Variants in IKZF2 observed in about 807,000 individuals in gnomAD.
IKZF2 encodes the protein IKAROS family zinc finger 2, also known as zinc finger protein Helios.
In IKZF2, 15 loss-of-function variants were observed where a neutral mutation model predicts 49.2. That is an observed-to-expected ratio of 0.30 (90% CI 0.20 to 0.47). The LOEUF (loss-of-function observed/expected upper bound fraction) is 0.47. Ranked by LOEUF, IKZF2 falls within the 20% of genes least tolerant of loss-of-function variation. IKZF2 has a pLI of 1.00. For synonymous variants in IKZF2, 227 were observed against 221.4 expected (o/e 1.03, Z -0.23); for missense variants, 567 against 664.6 (o/e 0.85, Z 1.61).
Position 213,122,571 on chromosome 2 carries a change from A to T in IKZF2, c.139+25137T>A, listed in dbSNP as rs185309370. On this transcript the variant is annotated intron_variant, in intron 4 of 8. Transcript: ENST00000434687. ...GTTTTAAGGATTATTCTTTCCTAAG[A>T]ATTTCATAATGTCTCTTGCCATGAT... 9.8e-5 allele frequency among the ~76,000 whole-genome samples: 15 copies of T among 152,362 alleles called. No homozygotes were observed. The East Asian group carries it at 2.7e-3, about 27-fold the overall frequency.
At chr2:213,018,271 A>T (rs1392730175) in intron 7 of IKZF2, among the ~76,000 whole-genome samples, 1 of 152,114 alleles carries the variant, frequency 6.6e-6, no homozygotes, top group Non-Finnish European at 1.5e-5. Flanking sequence ...CTAAAACCCA[A>T]TAAAATAAAT....
intron 6 of IKZF2, among the ~76,000 whole-genome samples, chr2:213,034,004 T>C (rs1374752552): frequency 6.6e-6 from 1 of 152,252 alleles, no homozygotes. Flanking sequence ...TGAATTACTG[T>C]AGCCTCTACA....
upstream of IKZF2, chr2:213,152,392 G>A (rs1575022814): frequency 6.6e-6 from 1 of 152,310 alleles, no homozygotes. Flanking sequence ...GGATAAGAGG[G>A]GTCCTGGGGA....
chr2:213,012,995 T>C (rs187342297), intron 8 of IKZF2, among the ~76,000 whole-genome samples: 8 of 152,158 alleles, frequency 5.3e-5, no homozygotes, highest in Non-Finnish European at 8.8e-5. Flanking sequence ...AGACAATCTA[T>C]GACTTACAGC....
At chr2:213,058,206 A>C (rs1032526975) in intron 4 of IKZF2, among the ~76,000 whole-genome samples, 5 of 152,112 alleles carry the variant, frequency 3.3e-5, no homozygotes, top group African/African-American at 1.2e-4. Flanking sequence ...GCACTATCAA[A>C]ATGGCTCTGT....
chr2:213,020,009 T>G (rs551013326), intron 7 of IKZF2, among the ~76,000 whole-genome samples: 1 of 152,316 alleles, frequency 6.6e-6, no homozygotes, highest in South Asian at 2.1e-4. Context: ...GGAGTATGTA[T>G]GCAATACAGA....
intron 1 of IKZF2, among the ~76,000 whole-genome samples, chr2:213,150,934 C>T (rs2061265022): frequency 6.7e-6 from 1 of 148,336 alleles, no homozygotes; most frequent in Non-Finnish European, 1.5e-5. Context: ...CCAACAGGAT[C>T]TGGATATTAC....
At chr2:213,059,832 T>A (rs1701510962) in intron 4 of IKZF2, among the ~76,000 whole-genome samples, 1 of 151,488 alleles carries the variant, frequency 6.6e-6, no homozygotes, top group African/African-American at 2.4e-5. Context: ...TAGAACTTTT[T>A]ATCTATAGAA....
At position 213,060,415 on chromosome 2, in the gene IKZF2, T is replaced by A. The variant is rs927927920; in HGVS notation, c.140-3316A>T. ...AACTATTAACCACTGTACAATAATATTCAGAGTGCTTTACTTTTCAAATAT... is the reference window on the plus strand; with the variant it reads ...AACTATTAACCACTGTACAATAATAATCAGAGTGCTTTACTTTTCAAATAT... On this transcript the variant is annotated intron_variant, in intron 4 of 8. Transcript: ENST00000434687. 3.3e-5 allele frequency among the ~76,000 whole-genome samples: 5 copies of A among 151,520 alleles called. No individual in the cohort carries two copies. The East Asian group carries it at 9.7e-4, about 29-fold the overall frequency.
intron 4 of IKZF2, 109 bp downstream of exon 4, chr2:213,147,599 T>A (rs2061120451): frequency 1.2e-6 from 1 of 817,578 alleles, no homozygotes; most frequent in Admixed American, 1.7e-5. Context: ...GCAAAATCTA[T>A]AACAGTAGCT....
At chr2:213,072,517 T>A (rs1347762492) in intron 4 of IKZF2, among the ~76,000 whole-genome samples, 2 of 152,012 alleles carry the variant, frequency 1.3e-5, no homozygotes, top group South Asian at 2.1e-4. Context: ...ATCCCTGTAG[T>A]GGAATAATGT....
chr2:213,058,742 T>C (rs1192374717), intron 4 of IKZF2, among the ~76,000 whole-genome samples: 1 of 151,926 alleles, frequency 6.6e-6, no homozygotes, highest in Non-Finnish European at 1.5e-5. Flanking sequence ...TAGTATTCAC[T>C]GAGATGTTTT....
chr2:213,083,551 C>CTTTTTTTTTT (rs35297007), intron 4 of IKZF2, among the ~76,000 whole-genome samples: 170 of 93,946 alleles, frequency 1.8e-3, no homozygotes, highest in African/African-American at 5.2e-3. Context: ...ACCAGGCTAA[C>CTTTTTTTTTT]TTTTTTTTTT....
chr2:213,089,047 C>T (rs1246367978), intron 4 of IKZF2, among the ~76,000 whole-genome samples: 1 of 152,164 alleles, frequency 6.6e-6, no homozygotes, highest in East Asian at 1.9e-4. Flanking sequence ...TTGGCTAAGA[C>T]ATTTTGATTA....
chr2:213,084,338 A>G (rs1475213662), intron 4 of IKZF2, among the ~76,000 whole-genome samples: 1 of 152,186 alleles, frequency 6.6e-6, no homozygotes, highest in East Asian at 1.9e-4. Flanking sequence ...TACCTCACAC[A>G]GTACCTAACA....
At chr2:213,147,920 G>T in intron 3 of IKZF2, 108 bp from the exon 4 acceptor site, 1 of 722,380 alleles carries the variant, frequency 1.4e-6, no homozygotes. Context: ...CAAACTGTAA[G>T]GTAATACATT....
chr2:213,093,999 A>G (rs1318026183), intron 4 of IKZF2, among the ~76,000 whole-genome samples: 1 of 152,206 alleles, frequency 6.6e-6, no homozygotes, highest in Non-Finnish European at 1.5e-5. Flanking sequence ...CTTAGAGGAA[A>G]TGTTTGATTT....
At chr2:213,147,950 G>A in intron 3 of IKZF2, 138 bp from the exon 4 acceptor site, 2 of 623,690 alleles carry the variant, frequency 3.2e-6, no homozygotes, top group South Asian at 2.0e-5. Flanking sequence ...GAAACTATAA[G>A]GAAATATCAT....
At chr2:213,044,098 G>A (rs1421468175) in intron 6 of IKZF2, among the ~76,000 whole-genome samples, 1 of 152,172 alleles carries the variant, frequency 6.6e-6, no homozygotes, top group East Asian at 1.9e-4. Context: ...AGACTGAAGG[G>A]TGGAAAGAGT....
Sources: allele counts gnomAD v4.1 joint callset (sites outside exome capture counted in the v4.1 genomes callset), GRCh38; gene constraint gnomAD v4.1.1; transcripts MANE v1.5; gene names NCBI Gene and HGNC (gene_info 2026-07-23, HGNC 2026-07-21).